SPATA1: variants seen among roughly 807,000 people sequenced by gnomAD.
SPATA1 encodes the protein spermatogenesis-associated protein 1.
SPATA1 carries 57 observed loss-of-function variants against 59.6 expected under a neutral mutation model. The ratio of observed to expected loss-of-function variants is 0.96; its 90% CI spans 0.77 to 1.19. The LOEUF is 1.19. SPATA1 is among the 50% of genes most tolerant of loss of function. SPATA1 has a pLI of 0.00. For missense variants in SPATA1, 448 were observed against 480.7 expected (o/e 0.93, Z 0.64); for synonymous variants, 147 against 163.9 (o/e 0.90, Z 0.79).
chr1:84,525,159 G>T (rs1683165570), intron 4 of SPATA1, among the ~76,000 whole-genome samples: 1 of 152,126 alleles, frequency 6.6e-6, no homozygotes. Flanking sequence ...TAGAGATGGG[G>T]TTTCACCATG....
chr1:84,509,727 T>C (rs1223657908), intron 1 of SPATA1, among the ~76,000 whole-genome samples: 1 of 152,242 alleles, frequency 6.6e-6, no homozygotes, highest in Non-Finnish European at 1.5e-5. Context: ...GATCACGCCA[T>C]TGCACTCCAG....
At chr1:84,533,430 AAT>A (rs1234846569) in intron 7 of SPATA1, among the ~76,000 whole-genome samples, 3 of 152,102 alleles carry the variant, frequency 2.0e-5, no homozygotes, top group Non-Finnish European at 4.4e-5. Context: ...ACAATAAACA[AAT>A]ATGTTTCTAA....
In SPATA1 at chr1:84,523,551, C is replaced by T. The variant is rs536691516; in HGVS notation, c.261+1044C>T. Among the ~76,000 whole-genome samples, 5 of 152,140 alleles carry T rather than the reference C, an allele frequency of 3.3e-5. No homozygotes were observed. The East Asian group carries it at 5.8e-4, about 18-fold the overall frequency. On this transcript the variant is annotated intron_variant, in intron 4 of 12. Coordinates refer to ENST00000490879, the Ensembl canonical transcript of SPATA1. Reference sequence around the variant, plus strand: ...TTCATCATTGTATTTATAACCAGTGCCTAACAAGGTGCTTTGCACTAGAGG... The same window carrying T: ...TTCATCATTGTATTTATAACCAGTGTCTAACAAGGTGCTTTGCACTAGAGG...
In SPATA1 at chr1:84,548,973, A is replaced by C; in HGVS notation, c.1125+9A>C. 1 of 1,554,988 alleles carries C rather than the reference A, an allele frequency of 6.4e-7. No homozygotes were observed. Among genetic ancestry groups the C allele is most frequent in the Non-Finnish European group, 8.7e-7 (1 of 1,153,620 alleles). Reference sequence around the variant, plus strand: ...ACATCACAGACTCCAAGGTATTACTAAATGTATCCCCCTTCCGTTAGAGAA... The same window carrying C: ...ACATCACAGACTCCAAGGTATTACTCAATGTATCCCCCTTCCGTTAGAGAA... On this transcript the variant is annotated intron_variant, in intron 11 of 12. Coordinates refer to ENST00000490879, the Ensembl canonical transcript of SPATA1.
exon 11 of SPATA1, chr1:84,548,884 T>G (rs1684183729): frequency 2.5e-6 from 4 of 1,599,394 alleles, no homozygotes; most frequent in African/African-American, 1.4e-5. Context: ...GGAACTCTAC[T>G]ATAAAAAACT....
chr1:84,547,992 T>C (rs1337178553), intron 10 of SPATA1, among the ~76,000 whole-genome samples: 3 of 152,160 alleles, frequency 2.0e-5, no homozygotes, highest in African/African-American at 7.2e-5. Flanking sequence ...TGGTAAAAGA[T>C]GACATTGACT....
At chr1:84,524,594 TA>T (rs148157205) in intron 4 of SPATA1, among the ~76,000 whole-genome samples, 1 of 152,142 alleles carries the variant, frequency 6.6e-6, no homozygotes, top group Admixed American at 6.5e-5. Flanking sequence ...ATACTTCAGC[TA>T]AAAAAATCTT....
chr1:84,518,355 A>T lies in SPATA1; in HGVS notation c.36+1960A>T, dbSNP rs183279877. On this transcript the variant is annotated intron_variant, in intron 2 of 12. Transcript: ENST00000490879. ...GAATTTTAATTTTTTTAGATGTGAA[A>T]ATGAAATTGTGATTATGTTACAGAG... 6.0e-4 allele frequency among the ~76,000 whole-genome samples: 92 copies of T among 152,190 alleles called. No individual in the cohort carries two copies. The East Asian group carries it at 0.016, about 27-fold the overall frequency.
chr1:84,534,565 A>G (rs1437211039), intron 8 of SPATA1, among the ~76,000 whole-genome samples: 1 of 152,076 alleles, frequency 6.6e-6, no homozygotes, highest in Non-Finnish European at 1.5e-5. Flanking sequence ...GATCCTAAAT[A>G]GTGTAGACTG....
At chr1:84,531,848 C>T (rs1471189682) in intron 6 of SPATA1, among the ~76,000 whole-genome samples, 1 of 152,110 alleles carries the variant, frequency 6.6e-6, no homozygotes, top group Non-Finnish European at 1.5e-5. Flanking sequence ...GCATAAGCCA[C>T]CATGCCCAGC....
intron 9 of SPATA1, among the ~76,000 whole-genome samples, chr1:84,544,812 C>T (rs879854165): frequency 6.6e-6 from 1 of 151,820 alleles, no homozygotes; most frequent in South Asian, 2.1e-4. Flanking sequence ...CCACCCATCT[C>T]GGCCTCCCAA....
downstream of SPATA1, among the ~76,000 whole-genome samples, chr1:84,557,334 A>T (rs1415535210): frequency 3.3e-5 from 5 of 152,022 alleles, no homozygotes; most frequent in African/African-American, 7.2e-5. Flanking sequence ...GGAGTTCAAG[A>T]CCAGCCTGGC....
chr1:84,535,004 T>C (rs1418771560), intron 8 of SPATA1, among the ~76,000 whole-genome samples: 1 of 152,130 alleles, frequency 6.6e-6, no homozygotes. Flanking sequence ...TAAATAGAGG[T>C]AATTTGAAGA....
intron 6 of SPATA1, 62 bp from the exon 7 acceptor site, chr1:84,532,798 T>C (rs1246129805): frequency 1.7e-6 from 2 of 1,188,128 alleles, no homozygotes; most frequent in South Asian, 1.3e-5. Context: ...AAAACAAACG[T>C]TTATTTTACT....
At chr1:84,521,388 A>C (rs924614327) in intron 3 of SPATA1, among the ~76,000 whole-genome samples, 2 of 152,166 alleles carry the variant, frequency 1.3e-5, no homozygotes, top group Non-Finnish European at 2.9e-5. Context: ...CTCCTTACGC[A>C]TACCTCTCTT....
chr1:84,524,489 AG>A (rs1683141663), intron 4 of SPATA1, among the ~76,000 whole-genome samples: 1 of 152,182 alleles, frequency 6.6e-6, no homozygotes, highest in African/African-American at 2.4e-5. Context: ...AATTTCAGTA[AG>A]AAAGTTTTAC....
intron 1 of SPATA1, among the ~76,000 whole-genome samples, chr1:84,508,220 G>A (rs1682364166): frequency 6.6e-6 from 1 of 151,546 alleles, no homozygotes; most frequent in Non-Finnish European, 1.5e-5. Context: ...GGAGGCAGAG[G>A]TTGCAGTGAG....
rs1471377794 is a variant in SPATA1, at chr1:84,533,648, G to A, written c.660-61G>A. ...GCATCAAATAAAATACATAAAATAT[G>A]AAAAGCTAATATTCATGGGATCATG... is the stretch of plus-strand genomic sequence containing the variant. On this transcript the variant is annotated intron_variant, in intron 7 of 12. Coordinates refer to ENST00000490879, the Ensembl canonical transcript of SPATA1. The A allele has an allele frequency of 3.9e-6, 5 of 1,276,782 alleles. No individual in the cohort carries two copies. In the African/African-American group the frequency reaches 6.0e-5, roughly 15 times the overall value. The allele number at this position is 1,276,782 out of a possible 1,614,324, so 79.1% of individuals were successfully genotyped here.
At chr1:84,555,078 T>C (rs757973408), downstream of SPATA1, 6 of 1,613,922 alleles carry the variant, frequency 3.7e-6, no homozygotes, top group Non-Finnish European at 4.2e-6. Context: ...TCCAGAGTAG[T>C]CAAGACAGTT....
Sources: allele counts gnomAD v4.1 joint callset (sites outside exome capture counted in the v4.1 genomes callset), GRCh38; gene constraint gnomAD v4.1.1; transcripts MANE v1.5; gene names NCBI Gene and HGNC (gene_info 2026-07-23, HGNC 2026-07-21).